Variants in PDE6G observed in about 807,000 individuals in gnomAD.
PDE6G encodes phosphodiesterase 6G.
In PDE6G, 10 loss-of-function variants were observed where a neutral mutation model predicts 10.9. The ratio of observed to expected loss-of-function variants is 0.91; its 90% CI spans 0.56 to 1.55. The LOEUF is 1.55. Among genes scored for constraint, PDE6G ranks in the 40% most tolerant of loss-of-function variants. PDE6G has a pLI of 0.00. For missense variants in PDE6G, 102 were observed against 110.1 expected (o/e 0.93, Z 0.33); for synonymous variants, 41 against 42.8 (o/e 0.96, Z 0.16).
At position 81,651,226 on chromosome 17, in the gene PDE6G, C is replaced by T; in HGVS notation, c.188-76G>A. On this transcript the variant is annotated intron_variant, in intron 3 of 3. Coordinates refer to ENST00000331056, the MANE Select transcript of PDE6G (RefSeq NM_002602.4). This position sits in a 1 kb window ranked among gnomAD's most constrained non-coding sequence, Gnocchi z 4.8. ...CCCCCCATCCCCTGTGGCCCTGTTTCCCACAGCCCAGGTGTAGCCCTACAG... is the reference window on the plus strand; with the variant it reads ...CCCCCCATCCCCTGTGGCCCTGTTTTCCACAGCCCAGGTGTAGCCCTACAG... 1 of 1,058,664 alleles carries T rather than the reference C, an allele frequency of 9.4e-7. No homozygotes were observed. The highest frequency in any genetic ancestry group is 1.5e-6 in the Non-Finnish European group (1 of 684,630). 65.6% of individuals were successfully genotyped at this position (1,058,664 alleles called of 1,614,324 possible).
rs1002434540 is a variant in PDE6G at position 81,650,736 on chromosome 17, G to A, written c.*338C>T. 3.2e-5 allele frequency: 15 copies of A among 467,794 alleles called. 1 individual carries two copies. The highest frequency in any genetic ancestry group is 4.7e-5 in the South Asian group (3 of 63,572). The allele number at this position is 467,794 out of a possible 1,614,324, so 29.0% of individuals were successfully genotyped here. ...AGCTTTCCAGCTGGGAGGAGGGGAC[G>A]ATCTGGGGTCCAGCAGGCTCCCGGG... On this transcript the variant is annotated 3_prime_UTR_variant, in exon 4 of 4. Coordinates refer to ENST00000331056, the MANE Select transcript of PDE6G (RefSeq NM_002602.4).
In PDE6G at chr17:81,653,687, G is replaced by A. The variant is rs1031491726; in HGVS notation, c.-59-323C>T. 1.3e-5 allele frequency: 4 copies of A among 301,244 alleles called. No homozygotes were observed. Among genetic ancestry groups the A allele is most frequent in the African/African-American group, 2.1e-5 (1 of 46,844 alleles). 18.7% of individuals were successfully genotyped at this position (301,244 alleles called of 1,614,324 possible). On this transcript the variant is annotated intron_variant, in intron 1 of 3. Transcript: ENST00000331056. This position sits in a 1 kb window ranked among gnomAD's most constrained non-coding sequence, Gnocchi z 5.2. Reference sequence around the variant, plus strand: ...CCTCCCAACCTGTGGCAGGTCCTGAGCCTGGAGTCCTCACCACCTCCCTGT... The same window carrying A: ...CCTCCCAACCTGTGGCAGGTCCTGAACCTGGAGTCCTCACCACCTCCCTGT...
chr17:81,656,833 T>C, upstream of PDE6G: 1 of 571,940 alleles, frequency 1.7e-6, no homozygotes, highest in East Asian at 3.0e-5. Context: ...CTACTGCCTT[T>C]CCTGACCCTG....
Position 81,656,536 on chromosome 17 carries a change from G to C in PDE6G, c.-103C>G. ...CAGGGGGCTGTGCTGTGAGTGCTGGGCCTCCCTCCGCAGGGTGCCAGCCCC... is the reference window on the plus strand; with the variant it reads ...CAGGGGGCTGTGCTGTGAGTGCTGGCCCTCCCTCCGCAGGGTGCCAGCCCC... On this transcript the variant is annotated 5_prime_UTR_variant, in exon 1 of 4. Coordinates refer to ENST00000331056, the MANE Select transcript of PDE6G (RefSeq NM_002602.4). 1.3e-6 allele frequency: 1 copy of C among 763,516 alleles called. No homozygotes were observed. Among genetic ancestry groups the C allele is most frequent in the South Asian group, 1.3e-5 (1 of 74,116 alleles). 47.3% of individuals were successfully genotyped at this position (763,516 alleles called of 1,614,324 possible). A position where few individuals can be genotyped will look rare whatever the true frequency, so the allele number is the denominator to read the frequency against.
chr17:81,658,327 G>T (rs1488681591), upstream of PDE6G, among the ~76,000 whole-genome samples: 4 of 151,532 alleles, frequency 2.6e-5, no homozygotes, highest in African/African-American at 7.3e-5. Flanking sequence ...CTCGTGATCT[G>T]CCCACTTTGG....
In PDE6G at chr17:81,650,856, G is replaced by A. The variant is rs2036339491; in HGVS notation, c.*218C>T. ...GTGGGCCTGTATCTCCAGATGTTGA[G>A]CAGGGCCTGGCCAGCCCCTGAGGGG... is the stretch of plus-strand genomic sequence containing the variant. On this transcript the variant is annotated 3_prime_UTR_variant, in exon 4 of 4. Transcript: ENST00000331056. The A allele has an allele frequency of 1.6e-6, 1 of 636,220 alleles. No individual in the cohort carries two copies. Among genetic ancestry groups the A allele is most frequent in the Non-Finnish European group, 2.9e-6 (1 of 343,772 alleles). The allele number at this position is 636,220 out of a possible 1,614,324, so 39.4% of individuals were successfully genotyped here.
intron 1 of PDE6G, among the ~76,000 whole-genome samples, chr17:81,661,877 A>AAC: frequency 6.7e-6 from 1 of 149,278 alleles, no homozygotes; most frequent in African/African-American, 2.5e-5. Flanking sequence ...AAAAAAAAAA[A>AAC]AAAATCAGCC....
chr17:81,651,823 C>G lies in PDE6G; in HGVS notation c.147-138G>C. 1 of 887,060 alleles carries G rather than the reference C, an allele frequency of 1.1e-6. No individual in the cohort carries two copies. The highest frequency in any genetic ancestry group is 1.8e-6 in the Non-Finnish European group (1 of 550,100). 54.9% of individuals were successfully genotyped at this position (887,060 alleles called of 1,614,324 possible). On this transcript the variant is annotated intron_variant, in intron 2 of 3. Coordinates refer to ENST00000331056, the MANE Select transcript of PDE6G (RefSeq NM_002602.4). This position sits in a 1 kb window ranked among gnomAD's most constrained non-coding sequence, Gnocchi z 4.8. ...CAGTGGGCAGAGACCCGCCTCCTCC[C>G]CAACCTCCCAGGGCTTGGCGCATCT...
Position 81,650,460 on chromosome 17 carries a change from G to T in PDE6G, c.*614C>A, listed in dbSNP as rs1186131205. 2 of 448,828 alleles carry T rather than the reference G, an allele frequency of 4.5e-6. No homozygotes were observed. The highest frequency in any genetic ancestry group is 1.4e-4 in the East Asian group (2 of 14,180). The allele number at this position is 448,828 out of a possible 1,614,324, so 27.8% of individuals were successfully genotyped here. ...CCATGCACAAATATGCCACAGACAG[G>T]CAAGGACACACTAATTTTATTTTGA... is the stretch of plus-strand genomic sequence containing the variant. On this transcript the variant is annotated 3_prime_UTR_variant, in exon 4 of 4. Transcript: ENST00000331056.
chr17:81,661,157 C>G (rs976050735), upstream of PDE6G, among the ~76,000 whole-genome samples: 1 of 152,106 alleles, frequency 6.6e-6, no homozygotes, highest in Non-Finnish European at 1.5e-5. Context: ...GAGGCCAAGG[C>G]AGGAGCCCAG....
intron 1 of PDE6G, among the ~76,000 whole-genome samples, chr17:81,661,670 G>C (rs1350878342): frequency 2.0e-5 from 3 of 152,076 alleles, no homozygotes; most frequent in Non-Finnish European, 4.4e-5. Context: ...ACCAACCCTG[G>C]CCAAGATGGT....
chr17:81,653,680 G>T lies in PDE6G; in HGVS notation c.-59-316C>A, dbSNP rs920179804. ...AACCTAGCCTCCCAACCTGTGGCAG[G>T]TCCTGAGCCTGGAGTCCTCACCACC... On this transcript the variant is annotated intron_variant, in intron 1 of 3. Transcript: ENST00000331056. This position sits in a 1 kb window ranked among gnomAD's most constrained non-coding sequence, Gnocchi z 5.2. 9 of 314,172 alleles carry T rather than the reference G, an allele frequency of 2.9e-5. No individual in the cohort carries two copies. The highest frequency in any genetic ancestry group is 5.0e-5 in the Non-Finnish European group (8 of 161,302). 19.5% of individuals were successfully genotyped at this position (314,172 alleles called of 1,614,324 possible).
rs372592115 is a variant in PDE6G at position 81,651,657 on chromosome 17, C to T, written c.175G>A (p.Gly59Ser). The change falls in exon 3 of 4, where the codon GGC becomes AGC. Residue 59 changes from glycine (G) to serine (S), a missense_variant. Gly to Ser is a moderately conservative substitution (Grantham distance 56, BLOSUM62 0). Transcript: ENST00000331056. This position sits in a 1 kb window ranked among gnomAD's most constrained non-coding sequence, Gnocchi z 4.8. ...GCAGCCGTCATACCTGTTCCCAGGC[C>T]TTCCATTCCAGGGATGTCGTCCCCA... ...GFGDDIPGME[G>S]LGTDITVICP... 5.8e-5 allele frequency: 93 copies of T among 1,613,942 alleles called. No individual in the cohort carries two copies. The highest frequency in any genetic ancestry group is 1.6e-4 in the Middle Eastern group (1 of 6,084).
intron 1 of PDE6G, among the ~76,000 whole-genome samples, chr17:81,655,246 G>A (rs1440850871): frequency 3.9e-5 from 6 of 152,154 alleles, no homozygotes; most frequent in Non-Finnish European, 4.4e-5. Context: ...CAGGCACGGC[G>A]CCCCTGGGAA....
chr17:81,650,778 G>A lies in PDE6G; in HGVS notation c.*296C>T, dbSNP rs775791800. On this transcript the variant is annotated 3_prime_UTR_variant, in exon 4 of 4. Transcript: ENST00000331056. ...GCTCCCGGGCTGGGGTCCACTTCCC[G>A]TTCTCCCTGGGAGTGGAGACCGACC... 64 of 510,946 alleles carry A rather than the reference G, an allele frequency of 1.3e-4. 1 individual carries two copies. The highest frequency in any genetic ancestry group is 1.8e-4 in the Admixed American group (8 of 43,852). 31.7% of individuals were successfully genotyped at this position (510,946 alleles called of 1,614,324 possible).
chr17:81,654,939 A>G, intron 1 of PDE6G, among the ~76,000 whole-genome samples: 1 of 149,654 alleles, frequency 6.7e-6, no homozygotes, highest in Non-Finnish European at 1.5e-5. Context: ...TGTATTTTTT[A>G]GTAGAGATGG....
Position 81,654,294 on chromosome 17 carries a change from G to T in PDE6G, c.-59-930C>A, listed in dbSNP as rs190921416. Among the ~76,000 whole-genome samples the T allele has an allele frequency of 2.5e-3, 378 of 152,068 alleles. 2 individuals carry two copies. The highest frequency in any genetic ancestry group is 8.7e-3 in the African/African-American group (360 of 41,486). ...CGCCCTGCAGCCACTGTGTCCTTAGGTTCTGATTTGCCGCTTCTCATCACG... is the reference window on the plus strand; with the variant it reads ...CGCCCTGCAGCCACTGTGTCCTTAGTTTCTGATTTGCCGCTTCTCATCACG... On this transcript the variant is annotated intron_variant, in intron 1 of 3. Coordinates refer to ENST00000331056, the MANE Select transcript of PDE6G (RefSeq NM_002602.4).
intron 1 of PDE6G, among the ~76,000 whole-genome samples, chr17:81,662,277 C>T (rs987017816): frequency 2.6e-5 from 4 of 152,104 alleles, no homozygotes; most frequent in African/African-American, 9.7e-5. Flanking sequence ...CACTAAAGAA[C>T]TCATCCCTGT....
Position 81,651,217 on chromosome 17 carries a change from GC to G in PDE6G, c.188-68del. 8.2e-7 allele frequency: 1 copy of G among 1,221,430 alleles called. No homozygotes were observed. Among genetic ancestry groups the G allele is most frequent in the Non-Finnish European group, 1.2e-6 (1 of 827,026 alleles). 75.7% of individuals were successfully genotyped at this position (1,221,430 alleles called of 1,614,324 possible). On this transcript the variant is annotated intron_variant, in intron 3 of 3. Transcript: ENST00000331056. This position sits in a 1 kb window ranked among gnomAD's most constrained non-coding sequence, Gnocchi z 4.8. Reference sequence around the variant, plus strand: ...CCTAGGGACCCCCCCATCCCCTGTGGCCCTGTTTCCCACAGCCCAGGTGTAG... The same window carrying G: ...CCTAGGGACCCCCCCATCCCCTGTGGCCTGTTTCCCACAGCCCAGGTGTAG...
Sources: allele counts gnomAD v4.1 joint callset (sites outside exome capture counted in the v4.1 genomes callset), GRCh38; gene constraint gnomAD v4.1.1; non-coding constraint Gnocchi (gnomAD v3.1); transcripts MANE v1.5; gene names NCBI Gene and HGNC (gene_info 2026-07-23, HGNC 2026-07-21).